ZBTB7C: variants seen among roughly 807,000 people sequenced by gnomAD.
ZBTB7C encodes zinc finger and BTB domain containing 7C.
In ZBTB7C, 8 loss-of-function variants were observed where a neutral mutation model predicts 25.7. The ratio of observed to expected loss-of-function variants is 0.31; its 90% CI spans 0.18 to 0.56. The LOEUF (loss-of-function observed/expected upper bound fraction) is 0.56. Ranked by LOEUF, ZBTB7C falls within the 20% of genes least tolerant of loss-of-function variation. The pLI is 0.91. For missense variants in ZBTB7C, 824 were observed against 855.2 expected, an observed-to-expected ratio of 0.96 and a Z score of 0.46; for synonymous variants, 394 against 369.0, an observed-to-expected ratio of 1.07 and a Z score of -0.78.
At chr18:48,118,919 T>G (rs562952786) in intron 3 of ZBTB7C, among the ~76,000 whole-genome samples, 20 of 152,216 alleles carry the variant, frequency 1.3e-4, no homozygotes, top group Non-Finnish European at 2.2e-4. Flanking sequence ...CCTAAGGAGC[T>G]TATTCTGAGT....
In ZBTB7C at chr18:48,363,731, T is replaced by A. The variant is rs149643442; in HGVS notation, c.-303-25333A>T. Among the ~76,000 whole-genome samples the A allele has an allele frequency of 3.5e-3, 534 of 152,236 alleles. 3 individuals are homozygous for A. Among genetic ancestry groups the A allele is most frequent in the South Asian group, 0.022 (104 of 4,810 alleles). On this transcript the variant is annotated intron_variant, in intron 1 of 4. Coordinates refer to ENST00000590800, the MANE Select transcript of ZBTB7C (RefSeq NM_001318841.2). ...GTGGCCATTGGGGGTGTATTCTTTT[T>A]AATATTAAAACACAGCTTTACCCCT...
At chr18:48,219,577 T>A (rs532221008) in intron 2 of ZBTB7C, among the ~76,000 whole-genome samples, 41 of 152,218 alleles carry the variant, frequency 2.7e-4, no homozygotes, top group African/African-American at 9.6e-4. Context: ...GTGGCAGAGT[T>A]CTATGCACAA....
intron 2 of ZBTB7C, among the ~76,000 whole-genome samples, chr18:48,220,314 G>T (rs1422027112): frequency 6.6e-6 from 1 of 152,196 alleles, no homozygotes; most frequent in East Asian, 1.9e-4. Flanking sequence ...ACTTTATTGG[G>T]GCTGCAGTGC....
chr18:48,314,079 G>A (rs1324616795), intron 2 of ZBTB7C, among the ~76,000 whole-genome samples: 1 of 152,196 alleles, frequency 6.6e-6, no homozygotes, highest in Non-Finnish European at 1.5e-5. Context: ...AAAACGGTAA[G>A]CCAATTAAAC....
chr18:48,345,475 A>C (rs964728021), intron 1 of ZBTB7C, among the ~76,000 whole-genome samples: 3 of 151,650 alleles, frequency 2.0e-5, no homozygotes, highest in African/African-American at 7.3e-5. Flanking sequence ...TGTTCACCCG[A>C]CTCCCAAATG....
At chr18:48,151,343 T>C (rs1201443349) in intron 3 of ZBTB7C, among the ~76,000 whole-genome samples, 2 of 152,176 alleles carry the variant, frequency 1.3e-5, no homozygotes, top group South Asian at 2.1e-4. Context: ...TCCTTAGACA[T>C]ACTGCCCTCA....
intron 2 of ZBTB7C, among the ~76,000 whole-genome samples, chr18:48,285,755 CCTTTAATGGAGAGTT>C (rs1383390461): frequency 6.6e-5 from 10 of 152,190 alleles, no homozygotes; most frequent in African/African-American, 2.4e-4. Context: ...AAAGTTTCTG[CCTTTAATGGAGAGTT>C]TTATCTGTTT....
chr18:48,272,929 A>T (rs375389945), intron 2 of ZBTB7C, among the ~76,000 whole-genome samples: 7 of 152,366 alleles, frequency 4.6e-5, no homozygotes, highest in African/African-American at 1.7e-4. Context: ...GATTCTATTT[A>T]TATGAAACAT....
chr18:48,188,756 C>T (rs531145755), intron 2 of ZBTB7C, among the ~76,000 whole-genome samples: 2 of 152,248 alleles, frequency 1.3e-5, no homozygotes, highest in South Asian at 2.1e-4. Flanking sequence ...CTCTCCCCAC[C>T]GGGAACCTGG....
At chr18:48,216,946 C>T (rs1171947001) in intron 2 of ZBTB7C, among the ~76,000 whole-genome samples, 1 of 152,182 alleles carries the variant, frequency 6.6e-6, no homozygotes, top group Non-Finnish European at 1.5e-5. Context: ...TCTAGCCTGA[C>T]TGGTGTCCTT....
At chr18:48,343,673 C>A (rs111843411) in intron 1 of ZBTB7C, among the ~76,000 whole-genome samples, 1 of 152,122 alleles carries the variant, frequency 6.6e-6, no homozygotes, top group Non-Finnish European at 1.5e-5. Context: ...AGGAGTGGGT[C>A]GGGAGTGGTG....
At chr18:48,097,092 C>T (rs1489917641) in intron 3 of ZBTB7C, among the ~76,000 whole-genome samples, 1 of 152,232 alleles carries the variant, frequency 6.6e-6, no homozygotes, top group Non-Finnish European at 1.5e-5. Context: ...AAACTGTTTC[C>T]TCTCTTCTCA....
intron 1 of ZBTB7C, among the ~76,000 whole-genome samples, chr18:48,350,951 A>T (rs1186612688): frequency 6.6e-6 from 1 of 150,604 alleles, no homozygotes; most frequent in Non-Finnish European, 1.5e-5. Context: ...ATGGACTCTT[A>T]AGTTGTTTAT....
intron 1 of ZBTB7C, among the ~76,000 whole-genome samples, chr18:48,389,220 C>G (rs1568418121): frequency 4.5e-4 from 57 of 126,932 alleles, no homozygotes; most frequent in African/African-American, 1.6e-3. Context: ...CTCTCTCTCT[C>G]TCTCTCTCTC....
chr18:48,277,498 A>G (rs1009083141), intron 2 of ZBTB7C, among the ~76,000 whole-genome samples: 1 of 152,244 alleles, frequency 6.6e-6, no homozygotes, highest in Non-Finnish European at 1.5e-5. Flanking sequence ...TGTCCCAAAT[A>G]AAAGTGCAAA....
intron 3 of ZBTB7C, among the ~76,000 whole-genome samples, chr18:48,064,775 G>A (rs2037260149): frequency 6.6e-6 from 1 of 152,114 alleles, no homozygotes; most frequent in Non-Finnish European, 1.5e-5. Context: ...AATAGGAACA[G>A]GGAGAAGAAG....
intron 3 of ZBTB7C, among the ~76,000 whole-genome samples, chr18:48,146,373 T>G (rs1384885032): frequency 6.6e-6 from 1 of 152,234 alleles, no homozygotes; most frequent in Non-Finnish European, 1.5e-5. Context: ...AATAAACTAC[T>G]GAAACATTAA....
At chr18:48,386,437 G>C (rs61257836) in intron 1 of ZBTB7C, among the ~76,000 whole-genome samples, 43,730 of 152,160 alleles carry the variant, frequency 0.29, 7,571 homozygotes, top group East Asian at 0.72. Flanking sequence ...ACCCTAGACA[G>C]TGAGTGGATG....
At chr18:48,379,071 C>A (rs755156618) in intron 1 of ZBTB7C, among the ~76,000 whole-genome samples, 4 of 152,184 alleles carry the variant, frequency 2.6e-5, no homozygotes, top group Non-Finnish European at 4.4e-5. Context: ...AGTTAAGGAG[C>A]ATCTGTATAG....
Sources: gnomAD v4.1 joint callset for allele counts (sites outside exome capture counted in the v4.1 genomes callset) on GRCh38, gnomAD v4.1.1 for gene constraint, MANE v1.5 for transcripts, NCBI Gene and HGNC (gene_info 2026-07-23, HGNC 2026-07-21) for gene names.